Variants in SNRPN observed in about 807,000 individuals in gnomAD.
SNRPN encodes small nuclear ribonucleoprotein-associated protein N.
Under a neutral mutation model 25.2 loss-of-function variants are expected in SNRPN, and 7 were observed. That is an observed-to-expected ratio of 0.28 (90% CI 0.16 to 0.52). The LOEUF (loss-of-function observed/expected upper bound fraction) is 0.52, where lower values mean the gene tolerates loss of function less well. Ranked by LOEUF, SNRPN falls within the 20% of genes least tolerant of loss-of-function variation. The probability of loss-of-function intolerance (pLI) is 0.96; values close to 1 mark genes in which losing one functional copy is unlikely to be tolerated. For synonymous variants in SNRPN, 124 were observed against 110.6 expected, an observed-to-expected ratio of 1.12 and a Z score of -0.76; for missense variants, 196 against 322.5, an observed-to-expected ratio of 0.61 and a Z score of 3.00.
intron 3 of SNRPN, among the ~76,000 whole-genome samples, chr15:24,938,833 A>G (rs554333426): frequency 6.6e-5 from 10 of 152,272 alleles, no homozygotes; most frequent in African/African-American, 2.2e-4. Context: ...CTGGGTATAT[A>G]GAATATGGGA....
At chr15:24,967,808 G>GAAAAA (rs35146696) in intron 2 of SNRPN, 124 bp from the exon 3 acceptor site, 11 of 492,008 alleles carry the variant, frequency 2.2e-5, no homozygotes, top group Admixed American at 6.9e-5. Context: ...ACCCTGTCTG[G>GAAAAA]AAAAAAAAAA....
At chr15:24,841,595 G>A (rs756707244) in intron 2 of SNRPN, among the ~76,000 whole-genome samples, 35 of 152,276 alleles carry the variant, frequency 2.3e-4, no homozygotes, top group Non-Finnish European at 4.1e-4. Flanking sequence ...AGGGTATAAG[G>A]CCAGAGGGCT....
At chr15:24,969,799 A>C (rs2076170342) in intron 3 of SNRPN, among the ~76,000 whole-genome samples, 2 of 152,204 alleles carry the variant, frequency 1.3e-5, no homozygotes, top group Non-Finnish European at 2.9e-5. Flanking sequence ...CTGTAGAAGA[A>C]GGGTTGGTAA....
At chr15:24,960,090 C>T (rs1422699321) in intron 1 of SNRPN, among the ~76,000 whole-genome samples, 1 of 151,952 alleles carries the variant, frequency 6.6e-6, no homozygotes, top group African/African-American at 2.4e-5. Flanking sequence ...CATGGTGAAA[C>T]CCTGTCTCTA....
intron 1 of SNRPN, among the ~76,000 whole-genome samples, chr15:24,859,394 C>A (rs1051999045): frequency 6.6e-6 from 1 of 152,164 alleles, no homozygotes; most frequent in Non-Finnish European, 1.5e-5. Context: ...ACTAGAGGAA[C>A]GCATTCTCTA....
chr15:24,967,145 A>T (rs1304062734), intron 2 of SNRPN: 1 of 152,164 alleles, frequency 6.6e-6, no homozygotes, highest in Non-Finnish European at 1.5e-5. Context: ...ACACAGGATA[A>T]TTTGAAAGTG....
chr15:24,844,806 G>A (rs569722802), intron 2 of SNRPN, among the ~76,000 whole-genome samples: 66 of 152,300 alleles, frequency 4.3e-4, no homozygotes, highest in Non-Finnish European at 5.9e-4. Flanking sequence ...TTACAGGCAT[G>A]AGCCACTGTG....
At chr15:24,853,320 G>T (rs984023655), upstream of SNRPN, among the ~76,000 whole-genome samples, 4 of 151,832 alleles carry the variant, frequency 2.6e-5, no homozygotes, top group African/African-American at 9.7e-5. Context: ...TCCTCTTTAT[G>T]CTTCATAAGC....
intron 1 of SNRPN, among the ~76,000 whole-genome samples, chr15:24,956,774 G>A (rs1015827744): frequency 6.6e-6 from 1 of 152,160 alleles, no homozygotes; most frequent in Non-Finnish European, 1.5e-5. Flanking sequence ...CCACGGTGCA[G>A]CAGTAGAGGA....
intron 2 of SNRPN, among the ~76,000 whole-genome samples, chr15:24,916,925 G>C (rs941487361): frequency 6.6e-6 from 1 of 152,182 alleles, no homozygotes; most frequent in Non-Finnish European, 1.5e-5. Flanking sequence ...CCACAGCATA[G>C]AAGCAGACTG....
intron 3 of SNRPN, among the ~76,000 whole-genome samples, chr15:24,971,502 T>C (rs188796394): frequency 1.4e-3 from 214 of 152,034 alleles, no homozygotes; most frequent in African/African-American, 4.9e-3. Context: ...GTAAAACATA[T>C]ATCTCTTCTA....
chr15:24,971,893 C>G (rs1469341310), intron 3 of SNRPN, among the ~76,000 whole-genome samples: 2 of 152,198 alleles, frequency 1.3e-5, no homozygotes, highest in African/African-American at 4.8e-5. Flanking sequence ...CTGTCTTGCT[C>G]ATTCACAGTC....
At chr15:24,856,174 GAAGA>G (rs1244965691), upstream of SNRPN, among the ~76,000 whole-genome samples, 1 of 152,072 alleles carries the variant, frequency 6.6e-6, no homozygotes, top group Non-Finnish European at 1.5e-5. Context: ...ATTATATAAA[GAAGA>G]AAGAGTGAAA....
At chr15:24,947,185 A>G (rs1311284273) in intron 3 of SNRPN, among the ~76,000 whole-genome samples, 2 of 152,218 alleles carry the variant, frequency 1.3e-5, no homozygotes, top group Non-Finnish European at 2.9e-5. Flanking sequence ...GTGTATAATT[A>G]TTTCAGATTA....
At chr15:24,893,536 T>C (rs796702973) in intron 2 of SNRPN, among the ~76,000 whole-genome samples, 2 of 152,162 alleles carry the variant, frequency 1.3e-5, no homozygotes, top group African/African-American at 4.8e-5. Flanking sequence ...GAGGATCACC[T>C]GAGCCCAGGA....
chr15:24,978,052 C>A, intron 8 of SNRPN, 136 bp downstream of exon 8: 1 of 1,185,478 alleles, frequency 8.4e-7, no homozygotes, highest in Non-Finnish European at 1.2e-6. Context: ...TAATGAAAGA[C>A]ATAGAAGAGT....
chr15:24,872,439 A>ATT lies in SNRPN; in HGVS notation c.-578-14069_-578-14068dup, dbSNP rs142616552. 2.7e-4 allele frequency among the ~76,000 whole-genome samples: 31 copies of ATT among 116,842 alleles called. 7 individuals are homozygous for ATT. The highest frequency in any genetic ancestry group is 3.9e-4 in the Non-Finnish European group (21 of 54,032). 76.7% of individuals were successfully genotyped at this position (116,842 alleles called of 152,430 possible). A position where few individuals can be genotyped will look rare whatever the true frequency, so the allele number is the denominator to read the frequency against. ...ACCTACCATACCCAGTCAAAAATAC[A>ATT]TTTTTTTTTGGAAAATATAGTTTAG... On this transcript the variant is annotated intron_variant, in intron 1 of 11. Coordinates refer to the SNRPN transcript ENST00000400097.
intron 2 of SNRPN, among the ~76,000 whole-genome samples, chr15:24,906,114 G>T (rs1426140231): frequency 6.6e-6 from 1 of 151,960 alleles, no homozygotes; most frequent in Admixed American, 6.6e-5. Context: ...AGAATCCTGG[G>T]TTTTTTTGTT....
chr15:24,908,855 T>C, intron 2 of SNRPN: 1 of 611,886 alleles, frequency 1.6e-6, no homozygotes, highest in East Asian at 2.8e-5. Context: ...TAATCTTTTT[T>C]TCTTTTTCTT....
Sources: allele counts gnomAD v4.1 joint callset (sites outside exome capture counted in the v4.1 genomes callset), GRCh38; gene constraint gnomAD v4.1.1; transcripts MANE v1.5; gene names NCBI Gene and HGNC (gene_info 2026-07-23, HGNC 2026-07-21).